NSD2: variants seen among roughly 807,000 people sequenced by gnomAD.
NSD2 encodes the protein histone-lysine N-methyltransferase NSD2.
Under a neutral mutation model 139.0 loss-of-function variants are expected in NSD2, and 12 were observed. The ratio of observed to expected loss-of-function variants is 0.09; its 90% CI spans 0.06 to 0.14. NSD2 has a LOEUF of 0.14. NSD2 is among the 10% of genes least tolerant of loss of function. The pLI is 1.00. For missense variants in NSD2, 1,155 were observed against 1,745.0 expected, an observed-to-expected ratio of 0.66 and a Z score of 6.02; for synonymous variants, 669 against 648.7, an observed-to-expected ratio of 1.03 and a Z score of -0.48.
chr4:1,894,435 A>G (rs976268050), intron 1 of NSD2, among the ~76,000 whole-genome samples: 6 of 151,962 alleles, frequency 3.9e-5, no homozygotes, highest in Non-Finnish European at 7.4e-5. Context: ...AGGTGGCTCA[A>G]CCTGTAATCC....
intron 6 of NSD2, among the ~76,000 whole-genome samples, chr4:1,934,847 TAAAAAAAAAAAA>T (rs34096276): frequency 1.1e-3 from 23 of 20,694 alleles, no homozygotes; most frequent in South Asian, 3.6e-3. Context: ...GACTCCATCT[TAAAAAAAAAAAA>T]AAAAAAAAAA....
chr4:1,936,527 C>T (rs983387741), intron 7 of NSD2, among the ~76,000 whole-genome samples: 7 of 151,802 alleles, frequency 4.6e-5, no homozygotes, highest in Non-Finnish European at 7.4e-5. Context: ...AAAAATTAGT[C>T]GGGTGTGGTG....
chr4:1,930,106 C>G (rs1721464565), intron 5 of NSD2, among the ~76,000 whole-genome samples: 1 of 152,078 alleles, frequency 6.6e-6, no homozygotes. Flanking sequence ...TTTGGCTGTG[C>G]AAGGTTGTCT....
At position 1,981,854 on chromosome 4, in the gene NSD2, T is replaced by TA. The variant is rs1727798284; in HGVS notation, c.*2946dup. 5.0e-6 allele frequency: 2 copies of TA among 398,332 alleles called. No homozygotes were observed. Among genetic ancestry groups the TA allele is most frequent in the Non-Finnish European group, 8.8e-6 (2 of 226,064 alleles). 24.7% of individuals were successfully genotyped at this position (398,332 alleles called of 1,614,324 possible). On this transcript the variant is annotated 3_prime_UTR_variant, in exon 22 of 22. Coordinates refer to ENST00000508803, the MANE Select transcript of NSD2 (RefSeq NM_001042424.3). ...ATGAGTGTAGTTGATGACTGTTTGT[T>TA]AGTCAGTAGAGTAAAATGCTGTGTC...
At chr4:1,907,622 T>TC (rs1321638355) in intron 3 of NSD2, among the ~76,000 whole-genome samples, 1 of 143,764 alleles carries the variant, frequency 7.0e-6, no homozygotes, top group Non-Finnish European at 1.5e-5. Context: ...TCTCTTTTTT[T>TC]TTTTTTTTTT....
intron 9 of NSD2, chr4:1,947,069 G>A (rs1723712089): frequency 9.4e-7 from 1 of 1,064,268 alleles, no homozygotes; most frequent in African/African-American, 1.6e-5. Flanking sequence ...CACTGTGCCA[G>A]TGGAAGCAGG....
intron 18 of NSD2, among the ~76,000 whole-genome samples, chr4:1,963,916 T>G (rs142039924): frequency 1.9e-4 from 29 of 152,318 alleles, no homozygotes; most frequent in African/African-American, 7.0e-4. Context: ...GAGGACTGCT[T>G]GAGCCCAGGA....
At chr4:1,957,831 A>G in intron 15 of NSD2, 102 bp from the exon 16 acceptor site, 1 of 1,115,130 alleles carries the variant, frequency 9.0e-7, no homozygotes, top group Non-Finnish European at 1.3e-6. Flanking sequence ...CAGAAACTAT[A>G]CTTAACATTG....
At chr4:1,907,248 T>C (rs1008384707) in intron 3 of NSD2, among the ~76,000 whole-genome samples, 15 of 152,192 alleles carry the variant, frequency 9.9e-5, no homozygotes, top group African/African-American at 3.1e-4. Context: ...TCCTCACTTT[T>C]ACTTTTAAAA....
intron 8 of NSD2, 23 bp from the exon 9 acceptor site, chr4:1,939,631 T>G (rs759328148): frequency 8.7e-6 from 14 of 1,613,114 alleles, no homozygotes; most frequent in Non-Finnish European, 1.2e-5. Context: ...TTTGAAACTT[T>G]ACAAACCAAA....
At position 1,930,795 on chromosome 4, in the gene NSD2, C is replaced by T. The variant is rs771567647; in HGVS notation, c.1555+25C>T. The T allele has an allele frequency of 1.9e-6, 3 of 1,604,946 alleles. No homozygotes were observed. Among genetic ancestry groups the T allele is most frequent in the Non-Finnish European group, 2.6e-6 (3 of 1,175,392 alleles). Reference sequence around the variant, plus strand: ...GGTAAACATAGCATTATGCTGATGTCCTCTGCTTGGGTTGATGTGTGTAGT... The same window carrying T: ...GGTAAACATAGCATTATGCTGATGTTCTCTGCTTGGGTTGATGTGTGTAGT... On this transcript the variant is annotated intron_variant, in intron 6 of 21. Transcript: ENST00000508803.
intron 9 of NSD2, chr4:1,944,070 T>C: frequency 9.4e-7 from 1 of 1,064,906 alleles, no homozygotes; most frequent in Non-Finnish European, 1.1e-6. Flanking sequence ...ATGGGAATGA[T>C]AGTGTATCTC....
chr4:1,921,781 CA>C (rs748895885), intron 5 of NSD2, among the ~76,000 whole-genome samples: 1,809 of 64,976 alleles, frequency 0.028, 18 homozygotes, highest in African/African-American at 0.073. Flanking sequence ...GACTCTGTCT[CA>C]AAAAAAAAAA....
At chr4:1,944,599 A>G in intron 9 of NSD2, 2 of 1,063,782 alleles carry the variant, frequency 1.9e-6, no homozygotes, top group Non-Finnish European at 2.3e-6. Flanking sequence ...CAGAATATAT[A>G]AAAGCTTAGA....
chr4:1,922,517 A>G (rs931571837), intron 5 of NSD2, among the ~76,000 whole-genome samples: 1 of 152,234 alleles, frequency 6.6e-6, no homozygotes, highest in Non-Finnish European at 1.5e-5. Context: ...AATTCTAATA[A>G]AACTTCCAAC....
At chr4:1,881,516 G>T (rs1714692811) in intron 1 of NSD2, among the ~76,000 whole-genome samples, 1 of 152,146 alleles carries the variant, frequency 6.6e-6, no homozygotes, top group African/African-American at 2.4e-5. Context: ...ACCCGCCTCG[G>T]CCTCCCAAAG....
intron 18 of NSD2, among the ~76,000 whole-genome samples, chr4:1,971,979 A>C (rs138089448): frequency 0.016 from 2,493 of 152,212 alleles, 115 homozygotes; most frequent in Admixed American, 0.1. Context: ...GTTCAGAAAT[A>C]AGGCAGGACG....
At chr4:1,960,906 C>T (rs1409180879) in intron 17 of NSD2, 129 bp from the exon 18 acceptor site, 12 of 626,046 alleles carry the variant, frequency 1.9e-5, no homozygotes, top group African/African-American at 9.0e-5. Context: ...ACTTTGTACA[C>T]GCCCTCCACG....
intron 5 of NSD2, among the ~76,000 whole-genome samples, chr4:1,927,797 ACT>A (rs761564037): frequency 8.5e-4 from 127 of 149,230 alleles, no homozygotes; most frequent in Non-Finnish European, 1.4e-3. Context: ...TAATCTGAAG[ACT>A]CTAATTTGTA....
Sources: allele counts gnomAD v4.1 joint callset (sites outside exome capture counted in the v4.1 genomes callset), GRCh38; gene constraint gnomAD v4.1.1; transcripts MANE v1.5; gene names NCBI Gene and HGNC (gene_info 2026-07-23, HGNC 2026-07-21).